Variants in RELCH observed in about 807,000 individuals in gnomAD.
The protein encoded by RELCH is RAB11-binding protein RELCH.
Under a neutral mutation model 150.3 loss-of-function variants are expected in RELCH, and 41 were observed. The ratio of observed to expected loss-of-function variants is 0.27; its 90% confidence interval spans 0.21 to 0.35. The LOEUF (loss-of-function observed/expected upper bound fraction) is 0.35. Among genes scored for constraint, RELCH ranks in the 10% least tolerant of loss-of-function variants. The pLI is 1.00. For missense variants in RELCH, 1,092 were observed against 1,467.8 expected (o/e 0.74, Z 4.18); for synonymous variants, 478 against 531.8 (o/e 0.90, Z 1.39).
At position 62,308,316 on chromosome 18, in the gene RELCH, A is replaced by G. The variant is rs1208194530; in HGVS notation, c.*2782A>G. 1 of 152,232 alleles carries G rather than the reference A, an allele frequency of 6.6e-6. No homozygotes were observed. Among genetic ancestry groups the G allele is most frequent in the Non-Finnish European group, 1.5e-5 (1 of 68,036 alleles). 9.4% of individuals were successfully genotyped at this position (152,232 alleles called of 1,614,324 possible). On this transcript the variant is annotated 3_prime_UTR_variant, in exon 29 of 29. Transcript: ENST00000644646. ...TCTTTGAACTGCAGTAGCTAACTAC[A>G]GCTAACATTCTGTGCTGGTTATATT...
chr18:62,271,265 C>T lies in RELCH; in HGVS notation c.2760+2317C>T, dbSNP rs894438654. On this transcript the variant is annotated intron_variant, in intron 20 of 28. Coordinates refer to ENST00000644646, the MANE Select transcript of RELCH (RefSeq NM_001346231.2). ...CTCTCCAGCACCTGTTGTTTCCTGA[C>T]TTTTTAATGATTGCCATTCTAACTG... is the stretch of plus-strand genomic sequence containing the variant. Among the ~76,000 whole-genome samples the T allele has an allele frequency of 3.9e-5, 6 of 152,174 alleles. No homozygotes were observed. In the South Asian group the frequency reaches 8.3e-4, roughly 21 times the overall value.
intron 7 of RELCH, among the ~76,000 whole-genome samples, chr18:62,228,010 C>T (rs1223984947): frequency 6.6e-6 from 1 of 151,964 alleles, no homozygotes; most frequent in Non-Finnish European, 1.5e-5. Flanking sequence ...TTGTAATAAT[C>T]CTGTGGGTTT....
chr18:62,290,657 TG>T (rs1472557780), intron 26 of RELCH, among the ~76,000 whole-genome samples: 2 of 152,200 alleles, frequency 1.3e-5, no homozygotes, highest in Non-Finnish European at 2.9e-5. Context: ...ATGAACAAGA[TG>T]AATTGTTTTC....
intron 10 of RELCH, among the ~76,000 whole-genome samples, chr18:62,241,655 AC>A (rs1310173180): frequency 6.6e-6 from 1 of 152,074 alleles, no homozygotes; most frequent in African/African-American, 2.4e-5. Flanking sequence ...AAATTTAATC[AC>A]CATTTTTTAA....
In RELCH at chr18:62,275,954, C is replaced by A. The variant is rs559995695; in HGVS notation, c.2967+481C>A. ...AACATTTCATATGTAGAATAACATC[C>A]CAATACATTAACTGCCCATAGAGTT... is the stretch of plus-strand genomic sequence containing the variant. On this transcript the variant is annotated intron_variant, in intron 22 of 28. Transcript: ENST00000644646. 6.6e-5 allele frequency among the ~76,000 whole-genome samples: 10 copies of A among 152,166 alleles called. No homozygotes were observed. The South Asian group carries it at 8.3e-4, about 13-fold the overall frequency.
At chr18:62,249,557 A>G (rs2042591978) in intron 11 of RELCH, among the ~76,000 whole-genome samples, 1 of 152,156 alleles carries the variant, frequency 6.6e-6, no homozygotes, top group Admixed American at 6.6e-5. Context: ...CTATCTTGGT[A>G]ATTTAGTTAA....
intron 27 of RELCH, among the ~76,000 whole-genome samples, chr18:62,293,898 A>G (rs928574066): frequency 6.6e-6 from 1 of 152,094 alleles, no homozygotes; most frequent in Non-Finnish European, 1.5e-5. Flanking sequence ...TTGTTTTACC[A>G]CATATTTATT....
chr18:62,246,610 A>G (rs1320276501), intron 11 of RELCH: 1 of 152,240 alleles, frequency 6.6e-6, no homozygotes, highest in African/African-American at 2.4e-5. Flanking sequence ...TTACTCTAAT[A>G]TCATTTAATG....
intron 2 of RELCH, among the ~76,000 whole-genome samples, chr18:62,212,064 A>G (rs1024972178): frequency 3.9e-5 from 6 of 152,142 alleles, no homozygotes; most frequent in African/African-American, 9.7e-5. Flanking sequence ...CCTCTCTCCC[A>G]TACCAGTCTT....
intron 11 of RELCH, among the ~76,000 whole-genome samples, chr18:62,251,100 C>A (rs1418992048): frequency 6.6e-6 from 1 of 152,060 alleles, no homozygotes; most frequent in African/African-American, 2.4e-5. Flanking sequence ...TCTATCAATT[C>A]AAATGAAGAT....
At chr18:62,293,175 G>A (rs1370164886) in intron 27 of RELCH, among the ~76,000 whole-genome samples, 4 of 152,136 alleles carry the variant, frequency 2.6e-5, no homozygotes, top group South Asian at 2.1e-4. Flanking sequence ...AATGCAAAGT[G>A]TAGAATATAC....
At chr18:62,213,130 T>C (rs1035424536) in intron 2 of RELCH, among the ~76,000 whole-genome samples, 1 of 152,108 alleles carries the variant, frequency 6.6e-6, no homozygotes, top group Non-Finnish European at 1.5e-5. Flanking sequence ...CCTAATTGTA[T>C]CACTCATTAA....
Position 62,252,768 on chromosome 18 carries a change from T to C in RELCH, c.1824+14T>C, listed in dbSNP as rs751755106. On this transcript the variant is annotated intron_variant, in intron 12 of 28. Transcript: ENST00000644646. ...TGTTGGGAACAGGTAAATAACTGTA[T>C]TGAGTTTTCACCTAGCTATTATAGC... 24 of 1,590,270 alleles carry C rather than the reference T, an allele frequency of 1.5e-5. No homozygotes were observed. Among genetic ancestry groups the C allele is most frequent in the Non-Finnish European group, 1.9e-5 (22 of 1,158,604 alleles).
At chr18:62,192,666 T>A (rs545217294) in intron 1 of RELCH, among the ~76,000 whole-genome samples, 5 of 152,340 alleles carry the variant, frequency 3.3e-5, no homozygotes, top group Non-Finnish European at 7.3e-5. Flanking sequence ...TGCTTGTTTT[T>A]GTCATGTATG....
At position 62,232,344 on chromosome 18, in the gene RELCH, G is replaced by A; in HGVS notation, c.1537G>A (p.Ala513Thr). 6.2e-7 allele frequency: 1 copy of A among 1,607,544 alleles called. No homozygotes were observed. Among genetic ancestry groups the A allele is most frequent in the Non-Finnish European group, 8.5e-7 (1 of 1,174,826 alleles). Residue 513 changes from alanine to threonine, a missense_variant, in exon 10 of 29, where the codon GCA (alanine) becomes ACA (threonine). Physicochemically the swap from Ala to Thr is moderately conservative, Grantham distance 58. Coordinates refer to ENST00000644646, the MANE Select transcript of RELCH (RefSeq NM_001346231.2). ...SRLGYEVSRI[A>T]DSEKSVMLML... The stretch of plus-strand genomic sequence containing the variant: ...TTTGGTTTTCTAGGTGTCTCGTATT[G>A]CAGACAGTGAAAAAAGCGTTATGTT...
In RELCH at chr18:62,264,870, A is replaced by G. The variant is rs747073945; in HGVS notation, c.2631+18A>G. The G allele has an allele frequency of 1.3e-6, 2 of 1,586,620 alleles. No homozygotes were observed. Among genetic ancestry groups the G allele is most frequent in the South Asian group, 1.1e-5 (1 of 87,400 alleles). ...ACACTAAGGTAAAAACTTGTATTCC[A>G]TGTTTTCTTATATGAAAAAGACATA... On this transcript the variant is annotated intron_variant, in intron 18 of 28. Transcript: ENST00000644646.
At chr18:62,231,072 T>C in intron 8 of RELCH, 122 bp from the exon 9 acceptor site, 1 of 621,878 alleles carries the variant, frequency 1.6e-6, no homozygotes, top group Non-Finnish European at 2.7e-6. Context: ...CTCAGAAATC[T>C]GGTTAGCTTT....
chr18:62,238,134 A>C (rs2041968265), intron 10 of RELCH, among the ~76,000 whole-genome samples: 1 of 151,934 alleles, frequency 6.6e-6, no homozygotes, highest in Non-Finnish European at 1.5e-5. Context: ...AGTTTAACAG[A>C]AATATGTACC....
At chr18:62,273,897 T>C in intron 20 of RELCH, 83 bp from the exon 21 acceptor site, 2 of 851,276 alleles carry the variant, frequency 2.3e-6, no homozygotes, top group Non-Finnish European at 3.8e-6. Context: ...TTTGGTAACA[T>C]TTTCTAATTA....
Sources: gnomAD v4.1 joint callset for allele counts (sites outside exome capture counted in the v4.1 genomes callset) on GRCh38, gnomAD v4.1.1 for gene constraint, MANE v1.5 for transcripts, NCBI Gene and HGNC (gene_info 2026-07-23, HGNC 2026-07-21) for gene names.